GOLIM4: variants seen among roughly 807,000 people sequenced by gnomAD.
GOLIM4 encodes golgi integral membrane protein 4.
GOLIM4 carries 71 observed loss-of-function variants against 107.4 expected under a neutral mutation model. The observed-to-expected ratio is 0.66, with a 90% CI of 0.55 to 0.81. The LOEUF (loss-of-function observed/expected upper bound fraction) is 0.81. Among genes scored for constraint, GOLIM4 ranks in the 30% least tolerant of loss-of-function variants. The pLI is 0.00. For missense variants in GOLIM4, 830 were observed against 826.1 expected (o/e 1.00, Z -0.06); for synonymous variants, 327 against 294.8 (o/e 1.11, Z -1.12).
chr3:168,069,520 G>A (rs1395860418), intron 1 of GOLIM4, among the ~76,000 whole-genome samples: 1 of 152,128 alleles, frequency 6.6e-6, no homozygotes, highest in Admixed American at 6.5e-5. Context: ...AATTAGCAGA[G>A]ATTTCAATAA....
At chr3:168,035,860 AAAC>A (rs1325511462) in intron 8 of GOLIM4, among the ~76,000 whole-genome samples, 1 of 152,218 alleles carries the variant, frequency 6.6e-6, no homozygotes, top group Non-Finnish European at 1.5e-5. Flanking sequence ...GAAAAAAAAA[AAAC>A]AACCTTTGTA....
intron 7 of GOLIM4, among the ~76,000 whole-genome samples, chr3:168,039,316 G>A (rs1718843483): frequency 6.7e-6 from 1 of 148,856 alleles, no homozygotes; most frequent in Non-Finnish European, 1.5e-5. Flanking sequence ...AGGCTGGAGT[G>A]CAGTGGTGCA....
chr3:168,091,986 G>T (rs141997917), intron 1 of GOLIM4, among the ~76,000 whole-genome samples: 155 of 152,260 alleles, frequency 1.0e-3, no homozygotes, highest in African/African-American at 3.7e-3. Context: ...CTCAACCTTG[G>T]CTGCACACAG....
intron 1 of GOLIM4, among the ~76,000 whole-genome samples, chr3:168,075,440 G>A (rs1350885038): frequency 6.7e-6 from 1 of 149,352 alleles, no homozygotes; most frequent in Non-Finnish European, 1.5e-5. Flanking sequence ...GGGACTACAG[G>A]CACCCGCCAC....
chr3:168,018,194 T>C (rs1024958780), intron 14 of GOLIM4, among the ~76,000 whole-genome samples: 6 of 152,086 alleles, frequency 3.9e-5, no homozygotes, highest in Non-Finnish European at 8.8e-5. Flanking sequence ...AAATCACTTA[T>C]TTTGGTGGGG....
intron 1 of GOLIM4, among the ~76,000 whole-genome samples, chr3:168,055,333 C>A (rs1719883838): frequency 2.0e-5 from 3 of 152,110 alleles, no homozygotes; most frequent in Admixed American, 2.0e-4. Context: ...GAGCTGGTCT[C>A]AAATGGAGAT....
chr3:168,076,712 AT>A (rs1721102231), intron 1 of GOLIM4, among the ~76,000 whole-genome samples: 4 of 152,164 alleles, frequency 2.6e-5, no homozygotes, highest in Non-Finnish European at 5.9e-5. Context: ...CAATCAATCA[AT>A]CAATAAAATG....
chr3:168,083,091 A>G (rs1721450883), intron 1 of GOLIM4, among the ~76,000 whole-genome samples: 1 of 152,236 alleles, frequency 6.6e-6, no homozygotes, highest in African/African-American at 2.4e-5. Flanking sequence ...TGTTCAGAAC[A>G]CACTTAATGA....
chr3:168,044,861 G>A lies in GOLIM4; in HGVS notation c.333C>T (p.Tyr111=). ...TCTGATGTTGGACATTCAGTGCACT[G>A]TATCTGCTATTGGAATCTTGCTGTA... ...NKGRQDSNSR[Y]SALNVQHQML... The change falls in exon 4 of 16, where the codon TAC becomes TAT. Residue 111 remains tyrosine, a synonymous_variant. Transcript: ENST00000470487. 2 of 1,555,860 alleles carry A rather than the reference G, an allele frequency of 1.3e-6. No individual in the cohort carries two copies. Among genetic ancestry groups the A allele is most frequent in the Non-Finnish European group, 1.7e-6 (2 of 1,146,388 alleles).
chr3:168,079,729 T>C (rs1452279086), intron 1 of GOLIM4, among the ~76,000 whole-genome samples: 1 of 152,178 alleles, frequency 6.6e-6, no homozygotes, highest in Non-Finnish European at 1.5e-5. Context: ...TTCTTAGGTA[T>C]AAAATATAAG....
At chr3:168,022,834 G>A (rs561217709) in intron 14 of GOLIM4, among the ~76,000 whole-genome samples, 5 of 152,160 alleles carry the variant, frequency 3.3e-5, no homozygotes, top group Non-Finnish European at 7.4e-5. Context: ...CAGGTAAACC[G>A]AATTAGGACC....
At chr3:168,024,616 G>A in intron 13 of GOLIM4, 22 bp from the exon 14 acceptor site, 1 of 1,593,724 alleles carries the variant, frequency 6.3e-7, no homozygotes, top group Non-Finnish European at 8.6e-7. Context: ...AAAAGGGCAG[G>A]TTCATGTTAC....
chr3:168,091,828 T>C (rs1397237857), intron 1 of GOLIM4, among the ~76,000 whole-genome samples: 2 of 152,200 alleles, frequency 1.3e-5, no homozygotes, highest in Non-Finnish European at 2.9e-5. Context: ...ACACAAAAGG[T>C]TGTAGAACTA....
chr3:168,095,015 T>C (rs931559291), intron 1 of GOLIM4, 84 bp downstream of exon 1: 4 of 1,061,500 alleles, frequency 3.8e-6, no homozygotes, highest in African/African-American at 3.1e-5. Flanking sequence ...ACAGTGCCAA[T>C]AGCTCACCAA....
intron 3 of GOLIM4, among the ~76,000 whole-genome samples, chr3:168,045,353 G>A (rs946866432): frequency 1.3e-5 from 2 of 152,112 alleles, no homozygotes; most frequent in African/African-American, 2.4e-5. Flanking sequence ...GAACTTCAGC[G>A]GGTAAGAAAT....
At chr3:168,069,716 A>C (rs1720741877) in intron 1 of GOLIM4, among the ~76,000 whole-genome samples, 1 of 152,230 alleles carries the variant, frequency 6.6e-6, no homozygotes. Context: ...TTAACTATGG[A>C]AACAGCAGCC....
At position 168,016,557 on chromosome 3, in the gene GOLIM4, A is replaced by T. The variant is rs1287111895; in HGVS notation, c.1861-5734T>A. 1.5e-5 allele frequency among the ~76,000 whole-genome samples: 2 copies of T among 133,584 alleles called. 1 individual carries two copies. Among genetic ancestry groups the T allele is most frequent in the African/African-American group, 8.1e-5 (2 of 24,760 alleles). The allele number at this position is 133,584 out of a possible 152,430, so 87.6% of individuals were successfully genotyped here. On this transcript the variant is annotated intron_variant, in intron 14 of 15. Coordinates refer to ENST00000470487, the MANE Select transcript of GOLIM4 (RefSeq NM_014498.5). ...CCCTTACTGGGTATATACCCAAAGG[A>T]TTATAAATCATGCTGCTATAAAGAC...
Position 168,095,368 on chromosome 3 carries a change from C to T in GOLIM4, c.-83G>A. The T allele has an allele frequency of 8.5e-7, 1 of 1,175,688 alleles. No homozygotes were observed. Among genetic ancestry groups the T allele is most frequent in the Non-Finnish European group, 1.2e-6 (1 of 820,756 alleles). The allele number at this position is 1,175,688 out of a possible 1,614,324, so 72.8% of individuals were successfully genotyped here. On this transcript the variant is annotated 5_prime_UTR_variant, in exon 1 of 16. Coordinates refer to ENST00000470487, the MANE Select transcript of GOLIM4 (RefSeq NM_014498.5). ...GCGAGCGTCTCAGCAGCGGCCGCCG[C>T]AGTAGGTGGCCAGACGCAGCATGAG...
At chr3:168,022,421 C>T (rs1717755778) in intron 14 of GOLIM4, among the ~76,000 whole-genome samples, 1 of 151,906 alleles carries the variant, frequency 6.6e-6, no homozygotes, top group Non-Finnish European at 1.5e-5. Flanking sequence ...AGGTTTCATA[C>T]ACATATGCAC....
Sources: allele counts gnomAD v4.1 joint callset (sites outside exome capture counted in the v4.1 genomes callset), GRCh38; gene constraint gnomAD v4.1.1; transcripts MANE v1.5; gene names NCBI Gene and HGNC (gene_info 2026-07-23, HGNC 2026-07-21).